NUDT3: variants seen among roughly 807,000 people sequenced by gnomAD.
The protein encoded by NUDT3 is diphosphoinositol polyphosphate phosphohydrolase 1.
A neutral mutation model predicts 23.6 loss-of-function variants in NUDT3; 9 were observed. The ratio of observed to expected loss-of-function variants is 0.38; its 90% confidence interval spans 0.23 to 0.66. The LOEUF (loss-of-function observed/expected upper bound fraction) is 0.66, where lower values mean the gene tolerates loss of function less well. NUDT3 is among the 30% of genes least tolerant of loss of function. The pLI is 0.52. For missense variants in NUDT3, 172 were observed against 218.5 expected, an observed-to-expected ratio of 0.79 and a Z score of 1.34; for synonymous variants, 86 against 82.6, an observed-to-expected ratio of 1.04 and a Z score of -0.22.
At chr6:34,344,466 A>G (rs1764334166) in intron 1 of NUDT3, among the ~76,000 whole-genome samples, 1 of 152,238 alleles carries the variant, frequency 6.6e-6, no homozygotes, top group Non-Finnish European at 1.5e-5. Flanking sequence ...TGATTCCATG[A>G]ATATGAAATA....
intron 1 of NUDT3, among the ~76,000 whole-genome samples, chr6:34,387,851 G>A (rs953565618): frequency 8.6e-5 from 13 of 151,812 alleles, no homozygotes; most frequent in African/African-American, 2.9e-4. Context: ...ATTTATTATC[G>A]AAGAAAAATA....
chr6:34,373,520 C>G (rs1352145414), intron 1 of NUDT3, among the ~76,000 whole-genome samples: 1 of 152,026 alleles, frequency 6.6e-6, no homozygotes, highest in Admixed American at 6.6e-5. Flanking sequence ...ACTCTGGTAA[C>G]TTATAACGTA....
chr6:34,320,163 G>A (rs1763918950), intron 2 of NUDT3, among the ~76,000 whole-genome samples: 1 of 152,058 alleles, frequency 6.6e-6, no homozygotes, highest in Non-Finnish European at 1.5e-5. Flanking sequence ...CACACAAAAG[G>A]AAATATATCA....
intron 2 of NUDT3, among the ~76,000 whole-genome samples, chr6:34,321,292 G>A (rs746515444): frequency 2.0e-5 from 3 of 151,908 alleles, no homozygotes; most frequent in Non-Finnish European, 4.4e-5. Flanking sequence ...CAAAACACTA[G>A]CTGGGCGTGG....
chr6:34,349,842 G>A (rs1462002479), intron 1 of NUDT3, among the ~76,000 whole-genome samples: 1 of 150,668 alleles, frequency 6.6e-6, no homozygotes, highest in Non-Finnish European at 1.5e-5. Flanking sequence ...TGTAATCCCA[G>A]CACTTTGGGA....
intron 2 of NUDT3, among the ~76,000 whole-genome samples, chr6:34,340,469 T>G (rs1764271327): frequency 6.6e-6 from 1 of 152,202 alleles, no homozygotes; most frequent in Non-Finnish European, 1.5e-5. Context: ...TCCAGGGTGT[T>G]TAAAGTTATT....
chr6:34,317,860 T>C (rs983503383), intron 2 of NUDT3, among the ~76,000 whole-genome samples: 6 of 152,192 alleles, frequency 3.9e-5, no homozygotes, highest in African/African-American at 1.4e-4. Flanking sequence ...AAGTGTCTTT[T>C]AACCCTTTAA....
intron 1 of NUDT3, among the ~76,000 whole-genome samples, chr6:34,391,615 T>C: frequency 6.6e-6 from 1 of 152,174 alleles, no homozygotes. Context: ...ACATGAAACA[T>C]TTTCAGCACA....
chr6:34,326,927 C>T (rs55694290), intron 2 of NUDT3, among the ~76,000 whole-genome samples: 13,274 of 152,020 alleles, frequency 0.087, 720 homozygotes, highest in Non-Finnish European at 0.12. Flanking sequence ...GTGTTCTCCC[C>T]GTGTGTGGAG....
intron 2 of NUDT3, among the ~76,000 whole-genome samples, chr6:34,324,924 C>T (rs766034914): frequency 2.2e-4 from 34 of 152,258 alleles, no homozygotes; most frequent in South Asian, 1.9e-3. Context: ...CACTCGGCCA[C>T]GTGAGCACAG....
At chr6:34,388,477 G>A (rs550408964) in intron 1 of NUDT3, among the ~76,000 whole-genome samples, 5 of 151,924 alleles carry the variant, frequency 3.3e-5, no homozygotes, top group Middle Eastern at 3.4e-3. Flanking sequence ...TGCCTTATTC[G>A]GTTGGAATTT....
At chr6:34,334,829 G>T (rs1303936574) in intron 2 of NUDT3, among the ~76,000 whole-genome samples, 1 of 151,762 alleles carries the variant, frequency 6.6e-6, no homozygotes, top group East Asian at 1.9e-4. Context: ...GCTACTCAGG[G>T]GGCTGAGGAA....
At chr6:34,293,724 C>A (rs184210160) in intron 3 of NUDT3, among the ~76,000 whole-genome samples, 189 bp from the exon 4 acceptor site, 14 of 152,314 alleles carry the variant, frequency 9.2e-5, no homozygotes, top group Non-Finnish European at 1.6e-4. Context: ...AGGGTGTGCT[C>A]TTTGGCTGGA....
At chr6:34,351,470 G>C (rs1423482463) in intron 1 of NUDT3, among the ~76,000 whole-genome samples, 1 of 148,178 alleles carries the variant, frequency 6.7e-6, no homozygotes, top group Non-Finnish European at 1.5e-5. Flanking sequence ...GGCCAGGCGC[G>C]GTGGCTCATG....
chr6:34,389,595 C>T (rs181111408), intron 1 of NUDT3, among the ~76,000 whole-genome samples: 6 of 151,748 alleles, frequency 4.0e-5, no homozygotes, highest in Admixed American at 3.9e-4. Flanking sequence ...GAGGTTGAGG[C>T]TGCAGTGAGC....
In NUDT3 at chr6:34,327,525, C is replaced by T. The variant is rs542372675; in HGVS notation, c.210+14337G>A. 3.6e-3 allele frequency among the ~76,000 whole-genome samples: 485 copies of T among 136,444 alleles called. 3 individuals are homozygous for T. The highest frequency in any genetic ancestry group is 8.1e-3 in the African/African-American group (291 of 36,132). 89.5% of individuals were successfully genotyped at this position (136,444 alleles called of 152,430 possible). On this transcript the variant is annotated intron_variant, in intron 2 of 4. Transcript: ENST00000607016. ...AGCCTAGCAATAGGGCGAGACTCCG[C>T]CTCAAAAAAAAAAAAAAAAGAAAGA...
intron 1 of NUDT3, among the ~76,000 whole-genome samples, chr6:34,391,453 G>A (rs959007435): frequency 6.6e-6 from 1 of 152,046 alleles, no homozygotes; most frequent in Non-Finnish European, 1.5e-5. Context: ...GGGAAGCCGA[G>A]ATTTTTTTTT....
intron 4 of NUDT3, among the ~76,000 whole-genome samples, chr6:34,290,556 GA>G: frequency 6.6e-6 from 1 of 150,906 alleles, no homozygotes; most frequent in South Asian, 2.1e-4. Context: ...TCTATATTAT[GA>G]AAAAAATATG....
At chr6:34,382,998 G>A (rs1414144138) in intron 1 of NUDT3, among the ~76,000 whole-genome samples, 3 of 150,876 alleles carry the variant, frequency 2.0e-5, no homozygotes, top group Admixed American at 2.0e-4. Flanking sequence ...GCGGTGGCAG[G>A]CACCTGTAAT....
Sources: gnomAD v4.1 joint callset for allele counts (sites outside exome capture counted in the v4.1 genomes callset) on GRCh38, gnomAD v4.1.1 for gene constraint, MANE v1.5 for transcripts, NCBI Gene and HGNC (gene_info 2026-07-23, HGNC 2026-07-21) for gene names.